KCNQ5: variants seen among roughly 807,000 people sequenced by gnomAD.
KCNQ5 encodes potassium voltage-gated channel subfamily Q member 5, also known as potassium voltage-gated channel subfamily KQT member 5.
KCNQ5 carries 30 observed loss-of-function variants against 98.2 expected under a neutral mutation model. The observed-to-expected ratio is 0.31, with a 90% CI of 0.23 to 0.41. KCNQ5 has a LOEUF of 0.41. Among genes scored for constraint, KCNQ5 ranks in the 10% least tolerant of loss-of-function variants. The probability of loss-of-function intolerance (pLI) is 1.00; values close to 1 mark genes in which losing one functional copy is unlikely to be tolerated. For missense variants in KCNQ5, 835 were observed against 1,182.5 expected (o/e 0.71, Z 4.31); for synonymous variants, 458 against 449.4 (o/e 1.02, Z -0.24).
intron 1 of KCNQ5, among the ~76,000 whole-genome samples, chr6:72,670,892 T>C (rs1767069860): frequency 6.6e-6 from 1 of 152,222 alleles, no homozygotes; most frequent in African/African-American, 2.4e-5. Flanking sequence ...ATAGGTCAGA[T>C]CCTGTAGACC....
chr6:72,952,134 A>C (rs1161843916), intron 1 of KCNQ5, among the ~76,000 whole-genome samples: 3 of 152,234 alleles, frequency 2.0e-5, no homozygotes, highest in Admixed American at 2.0e-4. Flanking sequence ...AGGATTCAGT[A>C]AGATTAGTAT....
At chr6:72,664,375 CG>C (rs1317728251) in intron 1 of KCNQ5, among the ~76,000 whole-genome samples, 3 of 152,006 alleles carry the variant, frequency 2.0e-5, no homozygotes, top group African/African-American at 4.8e-5. Context: ...GAAATCAGGC[CG>C]GGTGCGGTGG....
intron 10 of KCNQ5, among the ~76,000 whole-genome samples, chr6:73,160,159 A>G (rs1045641362): frequency 3.0e-4 from 44 of 148,904 alleles, no homozygotes; most frequent in East Asian, 7.8e-4. Flanking sequence ...GACTACAGGC[A>G]CCCACCACGA....
intron 3 of KCNQ5, among the ~76,000 whole-genome samples, chr6:73,048,692 T>A (rs1406285027): frequency 6.6e-6 from 1 of 152,210 alleles, no homozygotes; most frequent in Non-Finnish European, 1.5e-5. Context: ...ATAAAAAACA[T>A]AAACATAAGT....
At chr6:72,860,853 G>GTT (rs1197584541) in intron 1 of KCNQ5, among the ~76,000 whole-genome samples, 1 of 72,724 alleles carries the variant, frequency 1.4e-5, no homozygotes, top group Non-Finnish European at 3.6e-5. Context: ...GTGTGTGTGT[G>GTT]TATGTGTGTG....
intron 1 of KCNQ5, among the ~76,000 whole-genome samples, chr6:72,718,594 G>T (rs912178810): frequency 4.6e-5 from 7 of 151,710 alleles, no homozygotes; most frequent in Admixed American, 6.6e-5. Flanking sequence ...GGGACTACAG[G>T]TACGTGCCAC....
chr6:72,623,757 G>A (rs981314059), intron 1 of KCNQ5, among the ~76,000 whole-genome samples: 1 of 152,162 alleles, frequency 6.6e-6, no homozygotes, highest in Non-Finnish European at 1.5e-5. Context: ...GAAAGTTGCA[G>A]ATACTCGCTG....
intron 1 of KCNQ5, among the ~76,000 whole-genome samples, chr6:72,866,121 A>AAGTTATTTATT (rs1777969051): frequency 1.3e-5 from 2 of 152,172 alleles, no homozygotes; most frequent in Admixed American, 1.3e-4. Context: ...CCCAGAGGTC[A>AAGTTATTTATT]CATAATATAA....
At chr6:72,986,347 C>T (rs1768776930) in intron 1 of KCNQ5, 1 of 379,692 alleles carries the variant, frequency 2.6e-6, no homozygotes, top group South Asian at 7.4e-5. Flanking sequence ...GAAGTTTGGT[C>T]CATCAGAATG....
At chr6:73,179,992 G>A (rs981871308) in intron 11 of KCNQ5, among the ~76,000 whole-genome samples, 3 of 132,564 alleles carry the variant, frequency 2.3e-5, no homozygotes, top group Non-Finnish European at 4.7e-5. Context: ...CTCAATAAAT[G>A]TTTGATGAAT....
At chr6:72,897,716 C>T (rs1028511200) in intron 1 of KCNQ5, among the ~76,000 whole-genome samples, 21 of 152,100 alleles carry the variant, frequency 1.4e-4, no homozygotes, top group Non-Finnish European at 2.5e-4. Context: ...AGAGGGAGTA[C>T]GCAAGCTGTG....
chr6:72,963,731 T>G (rs553536358), intron 1 of KCNQ5, among the ~76,000 whole-genome samples: 2 of 152,232 alleles, frequency 1.3e-5, no homozygotes, highest in Admixed American at 6.5e-5. Context: ...GGTGTGATCT[T>G]GGCTCACTGC....
intron 1 of KCNQ5, among the ~76,000 whole-genome samples, chr6:72,703,732 A>G (rs1406121571): frequency 6.6e-6 from 1 of 152,160 alleles, no homozygotes; most frequent in Non-Finnish European, 1.5e-5. Context: ...TTTTCCATTT[A>G]TCGAATTCTA....
At chr6:72,796,847 C>T (rs1036823735) in intron 1 of KCNQ5, among the ~76,000 whole-genome samples, 3 of 152,030 alleles carry the variant, frequency 2.0e-5, no homozygotes, top group Admixed American at 1.3e-4. Context: ...AATTGAAATA[C>T]AAATAGATAC....
chr6:72,752,543 A>C (rs2154476646), intron 1 of KCNQ5, among the ~76,000 whole-genome samples: 1 of 152,232 alleles, frequency 6.6e-6, no homozygotes, highest in East Asian at 1.9e-4. Flanking sequence ...GCTCTGCCCC[A>C]CCCATTGATA....
intron 1 of KCNQ5, among the ~76,000 whole-genome samples, chr6:72,818,984 C>T (rs1775631377): frequency 6.6e-6 from 1 of 151,726 alleles, no homozygotes; most frequent in Non-Finnish European, 1.5e-5. Context: ...TTAATGACTG[C>T]GTGCATTCAT....
intron 1 of KCNQ5, among the ~76,000 whole-genome samples, chr6:72,782,636 A>G (rs1773547149): frequency 6.6e-6 from 1 of 152,196 alleles, no homozygotes; most frequent in Non-Finnish European, 1.5e-5. Context: ...TTTCCTGCTC[A>G]GAAAGTCCCC....
chr6:72,844,574 T>G (rs1014629374), intron 1 of KCNQ5, among the ~76,000 whole-genome samples: 3 of 152,226 alleles, frequency 2.0e-5, no homozygotes, highest in Non-Finnish European at 4.4e-5. Flanking sequence ...ACTTTTGTAA[T>G]GCATACCCAA....
At chr6:73,055,197 G>A in intron 3 of KCNQ5, 1 of 976,792 alleles carries the variant, frequency 1.0e-6, no homozygotes, top group Non-Finnish European at 1.7e-6. Flanking sequence ...AGCCCAGCGG[G>A]CCATGAGGCG....
Sources: allele counts gnomAD v4.1 joint callset (sites outside exome capture counted in the v4.1 genomes callset), GRCh38; gene constraint gnomAD v4.1.1; transcripts MANE v1.5; gene names NCBI Gene and HGNC (gene_info 2026-07-23, HGNC 2026-07-21).